XKR6: variants seen among roughly 807,000 people sequenced by gnomAD.
XKR6 encodes XK related 6, also known as XK-related protein 6.
Under a neutral mutation model 56.7 loss-of-function variants are expected in XKR6, and 22 were observed. The observed-to-expected ratio is 0.39, with a 90% CI of 0.28 to 0.55. XKR6 has a LOEUF of 0.55. Among genes scored for constraint, XKR6 ranks in the 20% least tolerant of loss-of-function variants. XKR6 has a pLI of 0.66. For synonymous variants in XKR6, 524 were observed against 387.8 expected, an observed-to-expected ratio of 1.35 and a Z score of -4.13; for missense variants, 852 against 889.0, an observed-to-expected ratio of 0.96 and a Z score of 0.53.
At chr8:10,938,183 C>T (rs572914708) in intron 1 of XKR6, among the ~76,000 whole-genome samples, 1 of 152,324 alleles carries the variant, frequency 6.6e-6, no homozygotes, top group East Asian at 1.9e-4. Context: ...TCTGTCACCC[C>T]TTTCTTTGAC....
intron 1 of XKR6, among the ~76,000 whole-genome samples, chr8:11,163,230 C>G (rs996782758): frequency 1.3e-5 from 2 of 152,202 alleles, no homozygotes; most frequent in Non-Finnish European, 2.9e-5. Context: ...AATCACCATT[C>G]TTTAAACATG....
rs557342136 is a variant in XKR6, at chr8:11,160,809, G to A, written c.764+39767C>T. Among the ~76,000 whole-genome samples, 51 of 149,978 alleles carry A rather than the reference G, an allele frequency of 3.4e-4. No homozygotes were observed. In the Middle Eastern group the frequency reaches 0.014, roughly 41 times the overall value. ...TGTATGTAGTCCCAGCTACTCGGTA[G>A]GCTAAGCCAAGAGAAACCCTTGAAC... On this transcript the variant is annotated intron_variant, in intron 1 of 2. Coordinates refer to ENST00000416569, the MANE Select transcript of XKR6 (RefSeq NM_173683.4).
chr8:11,146,585 T>A (rs1800997037), intron 1 of XKR6, among the ~76,000 whole-genome samples: 1 of 148,154 alleles, frequency 6.7e-6, no homozygotes, highest in African/African-American at 2.5e-5. Context: ...GTCAATATCA[T>A]GCCACTGCAC....
At chr8:11,190,949 A>G (rs2117127514) in intron 1 of XKR6, among the ~76,000 whole-genome samples, 1 of 152,238 alleles carries the variant, frequency 6.6e-6, no homozygotes, top group East Asian at 1.9e-4. Context: ...TAATTTCTCT[A>G]CGCCTCCTCC....
At chr8:10,915,982 G>C (rs1015596677) in intron 2 of XKR6, among the ~76,000 whole-genome samples, 4 of 152,252 alleles carry the variant, frequency 2.6e-5, no homozygotes, top group Admixed American at 6.5e-5. Context: ...AATGCCATGA[G>C]CGCCCGGAAG....
At chr8:11,009,170 T>C (rs1798443362) in intron 1 of XKR6, among the ~76,000 whole-genome samples, 1 of 152,012 alleles carries the variant, frequency 6.6e-6, no homozygotes, top group South Asian at 2.1e-4. Flanking sequence ...TCAATCAAGT[T>C]CCGTGTGTGT....
intron 1 of XKR6, among the ~76,000 whole-genome samples, chr8:11,148,772 C>G (rs1199592661): frequency 1.3e-5 from 2 of 152,154 alleles, no homozygotes; most frequent in African/African-American, 2.4e-5. Flanking sequence ...CTGCAGACAA[C>G]ACAAGTATCC....
intron 1 of XKR6, among the ~76,000 whole-genome samples, chr8:10,989,988 A>T (rs1454569835): frequency 6.6e-6 from 1 of 152,234 alleles, no homozygotes; most frequent in Non-Finnish European, 1.5e-5. Context: ...TCTGCAGAGC[A>T]GATGCCAAAC....
chr8:10,903,801 G>A (rs1336409237), intron 2 of XKR6, among the ~76,000 whole-genome samples: 2 of 152,144 alleles, frequency 1.3e-5, no homozygotes, highest in Non-Finnish European at 2.9e-5. Flanking sequence ...CTCTGTGACC[G>A]CAGCCTGAGC....
intron 2 of XKR6, among the ~76,000 whole-genome samples, chr8:10,902,838 C>G (rs1177814880): frequency 3.3e-5 from 5 of 152,180 alleles, no homozygotes; most frequent in African/African-American, 1.2e-4. Flanking sequence ...CGAGAATGAT[C>G]CTGCAAGGAG....
intron 1 of XKR6, among the ~76,000 whole-genome samples, chr8:10,944,518 A>G (rs1801476508): frequency 6.6e-6 from 1 of 152,166 alleles, no homozygotes; most frequent in Admixed American, 6.5e-5. Context: ...ACACCCACAC[A>G]CAAATCCCAC....
chr8:11,102,236 G>C (rs181675144), intron 1 of XKR6, among the ~76,000 whole-genome samples: 7 of 152,182 alleles, frequency 4.6e-5, no homozygotes, highest in Admixed American at 4.6e-4. Flanking sequence ...CCAGCATCCC[G>C]AGGACTTGCC....
chr8:11,078,825 G>T lies in XKR6; in HGVS notation c.764+121751C>A, dbSNP rs148427700. On this transcript the variant is annotated intron_variant, in intron 1 of 2. Transcript: ENST00000416569. ...ACAGGCCTCCAGTCTCAGCACCATA[G>T]GAGAAGAGTGGACATACCCTCCCAT... 2.9e-3 allele frequency among the ~76,000 whole-genome samples: 439 copies of T among 152,306 alleles called. 2 individuals are homozygous for T. The highest frequency in any genetic ancestry group is 0.01 in the African/African-American group (417 of 41,562).
chr8:10,943,443 C>T (rs1381942841), intron 1 of XKR6, among the ~76,000 whole-genome samples: 1 of 152,190 alleles, frequency 6.6e-6, no homozygotes, highest in Non-Finnish European at 1.5e-5. Flanking sequence ...TCCTGCCCTC[C>T]AGCCACATCC....
intron 1 of XKR6, among the ~76,000 whole-genome samples, chr8:11,186,398 CAG>C (rs1424730458): frequency 2.6e-5 from 4 of 152,192 alleles, no homozygotes; most frequent in South Asian, 2.1e-4. Context: ...CTTTGAGAGA[CAG>C]AGAGAGAGTC....
rs142047803 is a variant in XKR6 at position 10,951,060 on chromosome 8, C to G, written c.765-26230G>C. Among the ~76,000 whole-genome samples the G allele has an allele frequency of 5.0e-3, 765 of 152,276 alleles. 5 individuals are homozygous for G. The highest frequency in any genetic ancestry group is 0.018 in the African/African-American group (728 of 41,538). Reference sequence around the variant, plus strand: ...TTCCTGTGCTTTCCAAATTGTCAAGCGCCAGACGGAGTCACCCATCCATCC... The same window carrying G: ...TTCCTGTGCTTTCCAAATTGTCAAGGGCCAGACGGAGTCACCCATCCATCC... On this transcript the variant is annotated intron_variant, in intron 1 of 2. Transcript: ENST00000416569.
intron 1 of XKR6, among the ~76,000 whole-genome samples, chr8:10,984,134 T>G (rs75387304): frequency 1.3e-5 from 2 of 152,200 alleles, no homozygotes; most frequent in Non-Finnish European, 2.9e-5. Context: ...GAGGCATGTA[T>G]TGCACAAATA....
chr8:11,060,633 A>G (rs1338079845), intron 1 of XKR6, among the ~76,000 whole-genome samples: 1 of 152,188 alleles, frequency 6.6e-6, no homozygotes, highest in African/African-American at 2.4e-5. Context: ...TCCCGTACAC[A>G]AAGGAGCTCG....
At chr8:10,955,640 G>C (rs1178689646) in intron 1 of XKR6, among the ~76,000 whole-genome samples, 3 of 152,204 alleles carry the variant, frequency 2.0e-5, no homozygotes, top group African/African-American at 7.2e-5. Context: ...CACACAAGTA[G>C]TAGACAGCAG....
Sources: gnomAD v4.1 joint callset for allele counts (sites outside exome capture counted in the v4.1 genomes callset) on GRCh38, gnomAD v4.1.1 for gene constraint, MANE v1.5 for transcripts, NCBI Gene and HGNC (gene_info 2026-07-23, HGNC 2026-07-21) for gene names.